HMGCLL1: variants seen among roughly 807,000 people sequenced by gnomAD.
The protein encoded by HMGCLL1 is 3-hydroxymethyl-3-methylglutaryl-CoA lyase, cytoplasmic.
In HMGCLL1, 36 loss-of-function variants were observed where a neutral mutation model predicts 39.1. The observed-to-expected ratio is 0.92, with a 90% confidence interval of 0.71 to 1.22. HMGCLL1 has a LOEUF of 1.22. Ranked by LOEUF, HMGCLL1 falls within the 50% of genes most tolerant of loss-of-function variation. HMGCLL1 has a pLI of 0.00. For synonymous variants in HMGCLL1, 149 were observed against 144.0 expected (o/e 1.03, Z -0.25); for missense variants, 451 against 416.5 (o/e 1.08, Z -0.72).
At chr6:55,614,589 C>T in the HMGCLL1 span, among the ~76,000 whole-genome samples, 5 of 152,034 alleles carry the variant, frequency 3.3e-5, no homozygotes, top group Admixed American at 6.6e-5. Flanking sequence ...TAATTTCTTC[C>T]GTTTATTAAA....
At chr6:55,477,390 TATAA>T (rs1765484257) in intron 7 of HMGCLL1, among the ~76,000 whole-genome samples, 2 of 33,404 alleles carry the variant, frequency 6.0e-5, no homozygotes, top group African/African-American at 1.9e-4. Flanking sequence ...ATTATCTAAA[TATAA>T]TATATATTAT....
chr6:55,434,835 A>G lies in HMGCLL1; in HGVS notation c.*827T>C, dbSNP rs1763306815. On this transcript the variant is annotated 3_prime_UTR_variant, in exon 9 of 9. Transcript: ENST00000274901. ...TCACAATATTTCCTTGGGCAATTTG[A>G]AAGTGATCTGAAAATTATAAAGGTA... 1 of 152,106 alleles carries G rather than the reference A, an allele frequency of 6.6e-6. No homozygotes were observed. The highest frequency in any genetic ancestry group is 2.4e-5 in the African/African-American group (1 of 41,440). 9.4% of individuals were successfully genotyped at this position (152,106 alleles called of 1,614,324 possible).
At chr6:55,650,845 C>T in the HMGCLL1 span, among the ~76,000 whole-genome samples, 4 of 152,014 alleles carry the variant, frequency 2.6e-5, no homozygotes, top group Non-Finnish European at 5.9e-5. Context: ...GGGTGTTCTG[C>T]CAGGCCACCA....
rs371316792 is a variant in HMGCLL1, at chr6:55,541,669, C to T, written c.297+60G>A. On this transcript the variant is annotated intron_variant, in intron 3 of 8. Coordinates refer to ENST00000274901, the MANE Select transcript of HMGCLL1 (RefSeq NM_001042406.2). ...TATCAAGTTAATATCACAGTATTTA[C>T]CAAATATTTTTTGGTGAAGTTGAAT... The T allele has an allele frequency of 7.9e-5, 64 of 812,248 alleles. 1 individual carries two copies. The highest frequency in any genetic ancestry group is 5.9e-4 in the East Asian group (23 of 38,980). 50.3% of individuals were successfully genotyped at this position (812,248 alleles called of 1,614,324 possible). A position where few individuals can be genotyped will look rare whatever the true frequency, so the allele number is the denominator to read the frequency against.
At chr6:55,602,319 A>C in the HMGCLL1 span, among the ~76,000 whole-genome samples, 2 of 152,120 alleles carry the variant, frequency 1.3e-5, no homozygotes, top group African/African-American at 4.8e-5. Context: ...ATAAGGGAAA[A>C]TAAAAATGTT....
upstream of HMGCLL1, among the ~76,000 whole-genome samples, chr6:55,582,392 A>G (rs921886209): frequency 2.6e-5 from 4 of 152,188 alleles, no homozygotes; most frequent in African/African-American, 9.6e-5. Context: ...TTCATACTGT[A>G]TAGTCTGAGA....
At chr6:55,543,442 TGA>T (rs1470615894) in intron 1 of HMGCLL1, among the ~76,000 whole-genome samples, 50 of 7,308 alleles carry the variant, frequency 6.8e-3, no homozygotes, top group Non-Finnish European at 0.02. Context: ...ATATCATATA[TGA>T]TATATATGAT....
intron 3 of HMGCLL1, among the ~76,000 whole-genome samples, chr6:55,520,243 TAATAATA>T (rs1767968345): frequency 2.6e-5 from 2 of 78,000 alleles, no homozygotes; most frequent in Non-Finnish European, 5.1e-5. Flanking sequence ...TCTTAAAGTA[TAATAATA>T]AATAAATAAA....
At chr6:55,544,848 T>C (rs909821550) in intron 1 of HMGCLL1, among the ~76,000 whole-genome samples, 2 of 152,016 alleles carry the variant, frequency 1.3e-5, no homozygotes. Flanking sequence ...TCTGTGCAGG[T>C]TGTGATGCAT....
chr6:55,559,826 C>T (rs193255987), intron 1 of HMGCLL1, among the ~76,000 whole-genome samples: 68 of 152,264 alleles, frequency 4.5e-4, no homozygotes, highest in Non-Finnish European at 2.9e-5. Flanking sequence ...TTCCATAATG[C>T]TGCCTTACCT....
At chr6:55,515,437 CT>C (rs781156889) in intron 4 of HMGCLL1, among the ~76,000 whole-genome samples, 37 of 152,186 alleles carry the variant, frequency 2.4e-4, no homozygotes, top group Non-Finnish European at 4.6e-4. Flanking sequence ...TATGGATGTG[CT>C]TTTTGTCATC....
chr6:55,496,782 C>T (rs777075061), intron 6 of HMGCLL1, among the ~76,000 whole-genome samples: 35 of 152,218 alleles, frequency 2.3e-4, no homozygotes, highest in Non-Finnish European at 4.0e-4. Context: ...ATTTGCCCAC[C>T]ATTTCAAGAT....
At chr6:55,601,651 C>T in the HMGCLL1 span, among the ~76,000 whole-genome samples, 2 of 151,940 alleles carry the variant, frequency 1.3e-5, no homozygotes, top group Admixed American at 1.3e-4. Context: ...GCTGTTTAGC[C>T]CTAAAAACTT....
the HMGCLL1 span, among the ~76,000 whole-genome samples, chr6:55,634,185 G>A: frequency 6.6e-6 from 1 of 151,982 alleles, no homozygotes; most frequent in Non-Finnish European, 1.5e-5. Flanking sequence ...TCAACCAGCA[G>A]TGGAGAGCAG....
At chr6:55,446,387 C>T (rs1763841797) in intron 7 of HMGCLL1, among the ~76,000 whole-genome samples, 2 of 151,112 alleles carry the variant, frequency 1.3e-5, no homozygotes, top group Non-Finnish European at 3.0e-5. Context: ...TCCTTGGCTT[C>T]TCATTTTCTC....
Position 55,485,881 on chromosome 6 carries a change from A to G in HMGCLL1, c.795+9538T>C, listed in dbSNP as rs191514608. ...GCCTCTCTAAAAACCCTTGACTTACATAATATATCAAAAAACCCCTAATGA... is the reference window on the plus strand; with the variant it reads ...GCCTCTCTAAAAACCCTTGACTTACGTAATATATCAAAAAACCCCTAATGA... On this transcript the variant is annotated intron_variant, in intron 7 of 8. Coordinates refer to ENST00000274901, the MANE Select transcript of HMGCLL1 (RefSeq NM_001042406.2). 4.0e-3 allele frequency among the ~76,000 whole-genome samples: 605 copies of G among 151,866 alleles called. 7 individuals carry two copies. The highest frequency in any genetic ancestry group is 0.014 in the African/African-American group (568 of 41,476).
chr6:55,448,302 T>C lies in HMGCLL1; in HGVS notation c.796-8743A>G, dbSNP rs528225210. Among the ~76,000 whole-genome samples the C allele has an allele frequency of 1.0e-4, 15 of 150,054 alleles. No individual in the cohort carries two copies. In the East Asian group the frequency reaches 2.9e-3, roughly 29 times the overall value. The stretch of plus-strand genomic sequence containing the variant: ...CATGAAATAGTAAAATATTTCTGTA[T>C]AATACAATATTATATATACAAAAAT... On this transcript the variant is annotated intron_variant, in intron 7 of 8. Transcript: ENST00000274901.
At chr6:55,642,638 A>G in the HMGCLL1 span, among the ~76,000 whole-genome samples, 1 of 151,994 alleles carries the variant, frequency 6.6e-6, no homozygotes, top group Non-Finnish European at 1.5e-5. Flanking sequence ...TTGTTTTTTA[A>G]AACTTCTACT....
chr6:55,439,617 A>G, intron 7 of HMGCLL1, 58 bp from the exon 8 acceptor site: 1 of 1,573,700 alleles, frequency 6.4e-7, no homozygotes, highest in Non-Finnish European at 8.7e-7. Context: ...AAATTGTTGC[A>G]TTTCTATTTA....
Sources: allele counts gnomAD v4.1 joint callset (sites outside exome capture counted in the v4.1 genomes callset), GRCh38; gene constraint gnomAD v4.1.1; transcripts MANE v1.5; gene names NCBI Gene and HGNC (gene_info 2026-07-23, HGNC 2026-07-21).